Variants in FBXW11 observed in about 807,000 individuals in gnomAD.
The protein encoded by FBXW11 is F-box and WD repeat domain containing 11.
Under a neutral mutation model 77.6 loss-of-function variants are expected in FBXW11, and 19 were observed. That is an observed-to-expected ratio of 0.24 (90% CI 0.17 to 0.36). The LOEUF (loss-of-function observed/expected upper bound fraction) is 0.36. FBXW11 is among the 10% of genes least tolerant of loss of function. The pLI is 1.00. For synonymous variants in FBXW11, 235 were observed against 249.4 expected (o/e 0.94, Z 0.54); for missense variants, 334 against 704.2 (o/e 0.47, Z 5.95).
At chr5:171,898,211 T>C (rs573304683) in intron 6 of FBXW11, among the ~76,000 whole-genome samples, 2 of 152,192 alleles carry the variant, frequency 1.3e-5, no homozygotes, top group South Asian at 4.1e-4. Context: ...TTTATGTCTA[T>C]CACCTGGGGG....
chr5:171,996,602 GC>G (rs1273712715), intron 1 of FBXW11, among the ~76,000 whole-genome samples: 1 of 152,196 alleles, frequency 6.6e-6, no homozygotes, highest in Non-Finnish European at 1.5e-5. Context: ...GGTCAAGGCT[GC>G]AGTAAGCCAT....
At chr5:171,911,945 C>T (rs1295157968) in intron 3 of FBXW11, among the ~76,000 whole-genome samples, 1 of 152,174 alleles carries the variant, frequency 6.6e-6, no homozygotes, top group Non-Finnish European at 1.5e-5. Context: ...TTCTGACAGC[C>T]TCCTCATACA....
intron 2 of FBXW11, among the ~76,000 whole-genome samples, chr5:171,953,623 C>A (rs551181844): frequency 5.9e-5 from 9 of 151,954 alleles, no homozygotes; most frequent in Non-Finnish European, 1.0e-4. Flanking sequence ...GGATTTCATA[C>A]CCCCCAAGAG....
chr5:171,873,137 G>C, intron 9 of FBXW11, 147 bp from the exon 10 acceptor site: 1 of 660,498 alleles, frequency 1.5e-6, no homozygotes, highest in South Asian at 1.9e-5. Context: ...TTGGGAGGCT[G>C]GGGGGCAGAC....
rs1185927897 is a variant in FBXW11 at position 172,001,477 on chromosome 5, AAAG to A, written c.45+4978_45+4980del. 2.6e-4 allele frequency among the ~76,000 whole-genome samples: 40 copies of A among 152,226 alleles called. 1 individual carries two copies. Among genetic ancestry groups the A allele is most frequent in the Admixed American group, 2.6e-3 (40 of 15,284 alleles). On this transcript the variant is annotated intron_variant, in intron 1 of 13. Coordinates refer to ENST00000517395, the MANE Select transcript of FBXW11 (RefSeq NM_001378974.1). ...CCAACATTTCCTGAAAGCCTACCAC[AAAG>A]AAGACACCGTGTGTATGAAGGAACT...
At chr5:171,877,782 C>T (rs974667024) in intron 8 of FBXW11, among the ~76,000 whole-genome samples, 5 of 152,212 alleles carry the variant, frequency 3.3e-5, no homozygotes, top group Admixed American at 6.5e-5. Context: ...TATGCTCTTA[C>T]AGGAAAGCAT....
At position 171,969,254 on chromosome 5, in the gene FBXW11, C is replaced by T. The variant is rs1404419340; in HGVS notation, c.46-11556G>A. Among the ~76,000 whole-genome samples the T allele has an allele frequency of 4.6e-5, 7 of 152,100 alleles. No individual in the cohort carries two copies. The South Asian group carries it at 6.2e-4, about 14-fold the overall frequency. The stretch of plus-strand genomic sequence containing the variant: ...CCGCGCTCTAGCCTGGGCAACATAG[C>T]GAGACTCTGTCCCCCATCACCCCCC... On this transcript the variant is annotated intron_variant, in intron 1 of 13. Transcript: ENST00000517395.
intron 2 of FBXW11, among the ~76,000 whole-genome samples, chr5:171,937,735 A>T (rs1561702177): frequency 1.3e-5 from 2 of 151,564 alleles, no homozygotes. Context: ...GGCTGAGGTA[A>T]GAGGATCACT....
rs538802969 is a variant in FBXW11, at chr5:171,889,221, G to A, written c.852+2246C>T. On this transcript the variant is annotated intron_variant, in intron 7 of 13. Coordinates refer to ENST00000517395, the MANE Select transcript of FBXW11 (RefSeq NM_001378974.1). ...CCATAAAAGAAAAAACTGGTAAGTT[G>A]GACTTCATCAAAATTAAAATCTTCT... Among the ~76,000 whole-genome samples, 3 of 152,292 alleles carry A rather than the reference G, an allele frequency of 2.0e-5. No homozygotes were observed. The Middle Eastern group carries it at 0.01, about 518-fold the overall frequency.
intron 1 of FBXW11, among the ~76,000 whole-genome samples, chr5:171,975,085 C>T (rs1305592752): frequency 3.9e-5 from 6 of 152,158 alleles, no homozygotes; most frequent in East Asian, 1.9e-4. Context: ...TGAGCCACCA[C>T]GCCTGGCAAT....
intron 6 of FBXW11, among the ~76,000 whole-genome samples, chr5:171,898,636 T>C (rs1007431716): frequency 1.3e-5 from 2 of 152,156 alleles, no homozygotes; most frequent in African/African-American, 2.4e-5. Context: ...AAATGTGCCT[T>C]CTCTAGTTCT....
chr5:172,005,313 C>T (rs1766674414), intron 1 of FBXW11, among the ~76,000 whole-genome samples: 1 of 152,236 alleles, frequency 6.6e-6, no homozygotes. Context: ...TACAAAGAAA[C>T]TGTCAAGGCT....
At chr5:171,943,173 G>A (rs1010577386) in intron 2 of FBXW11, among the ~76,000 whole-genome samples, 28 of 152,324 alleles carry the variant, frequency 1.8e-4, no homozygotes, top group African/African-American at 6.5e-4. Context: ...TATTAGGGTA[G>A]ACAGTGTTCA....
chr5:171,966,428 TGGA>T (rs1191629520), intron 1 of FBXW11, among the ~76,000 whole-genome samples: 1 of 152,154 alleles, frequency 6.6e-6, no homozygotes, highest in African/African-American at 2.4e-5. Context: ...TTACAGAAGC[TGGA>T]GGAGGAAAGA....
At chr5:172,006,144 G>C (rs1766750252) in intron 1 of FBXW11, among the ~76,000 whole-genome samples, 1 of 152,250 alleles carries the variant, frequency 6.6e-6, no homozygotes, top group Admixed American at 6.5e-5. Flanking sequence ...AAGGAGAATG[G>C]GGTGCTAGAG....
intron 1 of FBXW11, among the ~76,000 whole-genome samples, chr5:171,963,611 CA>C: frequency 6.6e-6 from 1 of 152,210 alleles, no homozygotes; most frequent in South Asian, 2.1e-4. Flanking sequence ...TGCAACTCAG[CA>C]GATACACAGT....
chr5:171,945,239 T>C (rs1356211365), intron 2 of FBXW11, among the ~76,000 whole-genome samples: 2 of 152,254 alleles, frequency 1.3e-5, no homozygotes, highest in Non-Finnish European at 2.9e-5. Flanking sequence ...AGATATCTGA[T>C]CATGCAAGCT....
At chr5:171,921,450 GA>G (rs1397901633) in intron 2 of FBXW11, among the ~76,000 whole-genome samples, 1 of 152,174 alleles carries the variant, frequency 6.6e-6, no homozygotes, top group Non-Finnish European at 1.5e-5. Flanking sequence ...GTTCTACTCA[GA>G]AATCAATGTA....
chr5:171,872,457 A>G (rs1196373067), intron 10 of FBXW11, among the ~76,000 whole-genome samples: 1 of 152,166 alleles, frequency 6.6e-6, no homozygotes, highest in African/African-American at 2.4e-5. Context: ...CTGGGAAGGA[A>G]AAAGAGAGGT....
Sources: gnomAD v4.1 joint callset for allele counts (sites outside exome capture counted in the v4.1 genomes callset) on GRCh38, gnomAD v4.1.1 for gene constraint, MANE v1.5 for transcripts, NCBI Gene and HGNC (gene_info 2026-07-23, HGNC 2026-07-21) for gene names.